The following AZIN1 variants were observed in gnomAD, a reference collection of about 807,000 sequenced individuals.
The protein encoded by AZIN1 is ornithine decarboxylase antizyme inhibitor.
Under a neutral mutation model 47.4 loss-of-function variants are expected in AZIN1, and 12 were observed. That is an observed-to-expected ratio of 0.25 (90% confidence interval 0.16 to 0.41). The LOEUF is 0.41. Ranked by LOEUF, AZIN1 falls within the 10% of genes least tolerant of loss-of-function variation. The pLI is 1.00. For synonymous variants in AZIN1, 155 were observed against 176.3 expected (o/e 0.88, Z 0.96); for missense variants, 410 against 532.4 (o/e 0.77, Z 2.26).
chr8:102,834,777 G>T, intron 6 of AZIN1, 30 bp from the exon 7 acceptor site: 2 of 1,526,192 alleles, frequency 1.3e-6, no homozygotes, highest in Non-Finnish European at 1.8e-6. Context: ...AAATTTAAAG[G>T]AGCAGAAAGT....
At chr8:102,850,768 G>A (rs754350733) in intron 2 of AZIN1, among the ~76,000 whole-genome samples, 37 of 152,146 alleles carry the variant, frequency 2.4e-4, no homozygotes, top group Middle Eastern at 3.2e-3. Flanking sequence ...AGGTGATGAG[G>A]TTGAAAAAAC....
Position 102,834,138 on chromosome 8 carries a change from A to G in AZIN1, c.741+51T>C, listed in dbSNP as rs751268923. 2.7e-6 allele frequency: 4 copies of G among 1,465,266 alleles called. No homozygotes were observed. The Admixed American group carries it at 6.8e-5, about 25-fold the overall frequency. 90.8% of individuals were successfully genotyped at this position (1,465,266 alleles called of 1,614,324 possible). A position where few individuals can be genotyped will look rare whatever the true frequency, so the allele number is the denominator to read the frequency against. On this transcript the variant is annotated intron_variant, in intron 8 of 11. Transcript: ENST00000337198. The stretch of plus-strand genomic sequence containing the variant: ...TCCTGCTCTACACATCCACCACTTA[A>G]GTAACAAAGAAAGCAATTATTCTGT...
chr8:102,844,738 C>T lies in AZIN1; in HGVS notation c.-95-991G>A, dbSNP rs1214740567. Among the ~76,000 whole-genome samples, 20 of 152,036 alleles carry T rather than the reference C, an allele frequency of 1.3e-4. No homozygotes were observed. In the East Asian group the frequency reaches 3.9e-3, roughly 29 times the overall value. On this transcript the variant is annotated intron_variant, in intron 2 of 11. Coordinates refer to ENST00000337198, the MANE Select transcript of AZIN1 (RefSeq NM_148174.4). ...AATTACCAGAAATGCAAAAATAACA[C>T]AATTAGAAACTACATTTGTAAATTA...
At chr8:102,843,062 C>T (rs1229705414) in intron 3 of AZIN1, among the ~76,000 whole-genome samples, 1 of 151,656 alleles carries the variant, frequency 6.6e-6, no homozygotes, top group Non-Finnish European at 1.5e-5. Flanking sequence ...CAAAAATTAG[C>T]CGGGTGTGGT....
chr8:102,829,056 T>C (rs540767563), intron 11 of AZIN1, among the ~76,000 whole-genome samples: 1 of 152,348 alleles, frequency 6.6e-6, no homozygotes, highest in Non-Finnish European at 1.5e-5. Context: ...AGGATCAATA[T>C]ACCACATGGC....
At chr8:102,845,476 G>A (rs1173005413) in intron 2 of AZIN1, among the ~76,000 whole-genome samples, 5 of 152,110 alleles carry the variant, frequency 3.3e-5, no homozygotes, top group African/African-American at 9.7e-5. Flanking sequence ...GTGCAGTGAC[G>A]TCAAATCACA....
chr8:102,843,888 C>CTTAA, intron 2 of AZIN1, 141 bp from the exon 3 acceptor site: 1 of 599,246 alleles, frequency 1.7e-6, no homozygotes, highest in Non-Finnish European at 2.6e-6. Context: ...TATTAATTTC[C>CTTAA]TTTAACGCCC....
intron 9 of AZIN1, among the ~76,000 whole-genome samples, chr8:102,832,329 G>T (rs896732707): frequency 6.6e-6 from 1 of 151,760 alleles, no homozygotes; most frequent in Non-Finnish European, 1.5e-5. Flanking sequence ...AAAAAAAAAA[G>T]TCTTCTTAAT....
At chr8:102,860,187 TTC>T (rs1813540577) in intron 1 of AZIN1, among the ~76,000 whole-genome samples, 1 of 152,214 alleles carries the variant, frequency 6.6e-6, no homozygotes, top group Admixed American at 6.5e-5. Flanking sequence ...ACACTGCAAA[TTC>T]TCTAACACCT....
At chr8:102,834,598 T>C (rs1811697448) in intron 7 of AZIN1, 68 bp downstream of exon 7, 1 of 1,021,454 alleles carries the variant, frequency 9.8e-7, no homozygotes, top group Non-Finnish European at 1.4e-6. Flanking sequence ...AGGCAGAAAA[T>C]ACTTAGTCTT....
At chr8:102,856,968 T>C (rs955953178) in intron 2 of AZIN1, among the ~76,000 whole-genome samples, 2 of 152,180 alleles carry the variant, frequency 1.3e-5, no homozygotes, top group African/African-American at 4.8e-5. Flanking sequence ...AGTAATACAC[T>C]CAAAAAAAGA....
chr8:102,839,773 T>C lies in AZIN1; in HGVS notation c.153A>G (p.Lys51=), dbSNP rs759517261. The C allele has an allele frequency of 6.2e-7, 1 of 1,605,434 alleles. No homozygotes were observed. Among genetic ancestry groups the C allele is most frequent in the South Asian group, 1.1e-5 (1 of 89,254 alleles). The change falls in exon 4 of 12, where the codon AAA becomes AAG. Residue 51 remains lysine, a synonymous_variant. Coordinates refer to ENST00000337198, the MANE Select transcript of AZIN1 (RefSeq NM_148174.4). ...CCACTACATTCTGCCATTGACTGTG[T>C]TTCTTCACAATCTTTCCAAGATCTC... ...FVGDLGKIVK[K]HSQWQNVVAQ...
intron 6 of AZIN1, chr8:102,835,139 A>G (rs1333880872): frequency 6.3e-6 from 1 of 159,720 alleles, no homozygotes; most frequent in Non-Finnish European, 1.4e-5. Context: ...TACCCAACCA[A>G]ATACAAAAAT....
At chr8:102,856,901 T>C (rs1813329254) in intron 2 of AZIN1, among the ~76,000 whole-genome samples, 1 of 152,220 alleles carries the variant, frequency 6.6e-6, no homozygotes, top group South Asian at 2.1e-4. Context: ...TGTATTTCTG[T>C]TCTAGGTGAG....
At chr8:102,843,405 G>T (rs1173043375) in intron 3 of AZIN1, 146 bp downstream of exon 3, 1 of 628,446 alleles carries the variant, frequency 1.6e-6, no homozygotes, top group Non-Finnish European at 2.7e-6. Flanking sequence ...TACTCAAGGG[G>T]AGTGGGTGTG....
chr8:102,859,980 G>A (rs1167920988), intron 1 of AZIN1, among the ~76,000 whole-genome samples: 2 of 152,200 alleles, frequency 1.3e-5, no homozygotes, highest in African/African-American at 4.8e-5. Context: ...CCCAAAAGGT[G>A]CATAGGATAA....
At chr8:102,835,977 C>T (rs141401413) in intron 6 of AZIN1, among the ~76,000 whole-genome samples, 53 of 152,150 alleles carry the variant, frequency 3.5e-4, no homozygotes, top group South Asian at 1.5e-3. Flanking sequence ...ATTTAAAAGG[C>T]GGCGATTTAA....
At position 102,827,795 on chromosome 8, in the gene AZIN1, A is replaced by G. The variant is rs1811191325; in HGVS notation, c.*772T>C. The G allele has an allele frequency of 6.6e-6, 1 of 152,562 alleles. No individual in the cohort carries two copies. The highest frequency in any genetic ancestry group is 6.5e-5 in the Admixed American group (1 of 15,272). The allele number at this position is 152,562 out of a possible 1,614,324, so 9.5% of individuals were successfully genotyped here. On this transcript the variant is annotated 3_prime_UTR_variant, in exon 12 of 12. Transcript: ENST00000337198. The stretch of plus-strand genomic sequence containing the variant: ...TAAACATCATGCTTACTGCACATCA[A>G]CTCTCCATAATGAATCTGAACTTCA...
At chr8:102,851,145 T>G (rs1426865466) in intron 2 of AZIN1, among the ~76,000 whole-genome samples, 2 of 152,238 alleles carry the variant, frequency 1.3e-5, no homozygotes, top group Admixed American at 1.3e-4. Flanking sequence ...AGTGAAATAT[T>G]TATATCCCTT....
Sources: allele counts gnomAD v4.1 joint callset (sites outside exome capture counted in the v4.1 genomes callset), GRCh38; gene constraint gnomAD v4.1.1; transcripts MANE v1.5; gene names NCBI Gene and HGNC (gene_info 2026-07-23, HGNC 2026-07-21).